The following EXD3 variants were observed in gnomAD, a reference collection of about 807,000 sequenced individuals.
EXD3 encodes the protein exonuclease 3'-5' domain containing 3.
Under a neutral mutation model 98.0 loss-of-function variants are expected in EXD3, and 92 were observed. The observed-to-expected ratio is 0.94, with a 90% CI of 0.79 to 1.12. The LOEUF (loss-of-function observed/expected upper bound fraction) is 1.12. Among genes scored for constraint, EXD3 ranks in the 50% most tolerant of loss-of-function variants. The pLI is 0.00. For missense variants in EXD3, 1,222 were observed against 1,191.6 expected (o/e 1.03, Z -0.38); for synonymous variants, 569 against 526.0 (o/e 1.08, Z -1.12).
Position 137,309,633 on chromosome 9 carries a change from C to G in EXD3, c.2252G>C (p.Ser751Thr). ...TGAGCTCCTGGGCCCCTCCTGGTGA[C>G]TGCTGAGCCACATGAGCTGCTTCAT... ...DMMKQLMWLS[S>T]HQEGPRSSGD... The change falls in exon 20 of 22, where the codon AGT (serine) becomes ACT (threonine). Residue 751 changes from serine (S) to threonine (T), a missense_variant. Transcript: ENST00000340951. 1 of 1,562,974 alleles carries G rather than the reference C, an allele frequency of 6.4e-7. No homozygotes were observed. Among genetic ancestry groups the G allele is most frequent in the Non-Finnish European group, 8.7e-7 (1 of 1,153,700 alleles).
In EXD3 at chr9:137,393,451, C is replaced by T. The variant is rs1208310119; in HGVS notation, c.55+1852G>A. 1.3e-5 allele frequency among the ~76,000 whole-genome samples: 2 copies of T among 152,174 alleles called. No homozygotes were observed. The highest frequency in any genetic ancestry group is 4.8e-5 in the African/African-American group (2 of 41,454). On this transcript the variant is annotated intron_variant, in intron 2 of 21. Coordinates refer to ENST00000340951, the MANE Select transcript of EXD3 (RefSeq NM_017820.5). The surrounding 1 kb of genome is among the most constrained non-coding windows in gnomAD (Gnocchi z 4.6). ...GGGCAGGTGTGTGGTCAGGGCCCCA[C>T]AGGACAGCCAGGGTTGTGCCTGCTG...
intron 1 of EXD3, among the ~76,000 whole-genome samples, chr9:137,398,901 A>AGACACACAGGCAACCGCGTCTCCGT (rs1837353698): frequency 6.7e-6 from 1 of 149,748 alleles, no homozygotes; most frequent in Admixed American, 6.7e-5. Context: ...CGCGTCCCCA[A>AGACACACAGGCAACCGCGTCTCCGT]GACACACAGG....
intron 3 of EXD3, among the ~76,000 whole-genome samples, chr9:137,382,225 T>C (rs1836350023): frequency 8.4e-6 from 1 of 118,362 alleles, no homozygotes; most frequent in Non-Finnish European, 1.7e-5. Context: ...GCCCACCCCA[T>C]GAAGATGAAA....
chr9:137,356,068 G>A (rs1411299828), intron 8 of EXD3, among the ~76,000 whole-genome samples, 200 bp downstream of exon 8: 2 of 152,210 alleles, frequency 1.3e-5, no homozygotes, highest in African/African-American at 4.8e-5. Flanking sequence ...CCCGTTGGCT[G>A]CTCAGTCGCA....
intron 17 of EXD3, among the ~76,000 whole-genome samples, chr9:137,342,304 C>T (rs868374146): frequency 8.8e-4 from 103 of 117,702 alleles, no homozygotes; most frequent in African/African-American, 3.3e-3. Context: ...CCAGGGGAGT[C>T]AGAGGAAACA....
In EXD3 at chr9:137,368,257, C is replaced by T. The variant is rs150565424; in HGVS notation, c.463-268G>A. Among the ~76,000 whole-genome samples, 1,074 of 152,342 alleles carry T rather than the reference C, an allele frequency of 7.0e-3. 12 individuals carry two copies. Among genetic ancestry groups the T allele is most frequent in the African/African-American group, 0.024 (1,001 of 41,578 alleles). ...GGGCAGCAGGGACTCAAGGGGGTGG[C>T]TGGCCACACAGCCTGGGTCCCAGGG... On this transcript the variant is annotated intron_variant, in intron 5 of 21. Transcript: ENST00000340951.
rs567926960 is a variant in EXD3 at position 137,346,194 on chromosome 9, G to A, written c.1998+1877C>T. On this transcript the variant is annotated intron_variant, in intron 17 of 21. Coordinates refer to ENST00000340951, the MANE Select transcript of EXD3 (RefSeq NM_017820.5). Reference sequence around the variant, plus strand: ...GCGGAGCTTGCAGTGAGCCGAGATCGCACCACTGCACTCCGGGCTGGGAGA... The same window carrying A: ...GCGGAGCTTGCAGTGAGCCGAGATCACACCACTGCACTCCGGGCTGGGAGA... Among the ~76,000 whole-genome samples, 92 of 117,194 alleles carry A rather than the reference G, an allele frequency of 7.9e-4. 1 individual carries two copies. The highest frequency in any genetic ancestry group is 2.6e-3 in the African/African-American group (77 of 29,392). 76.9% of individuals were successfully genotyped at this position (117,194 alleles called of 152,430 possible).
At chr9:137,364,716 G>A (rs1342620270) in intron 7 of EXD3, among the ~76,000 whole-genome samples, 1 of 150,558 alleles carries the variant, frequency 6.6e-6, no homozygotes, top group Non-Finnish European at 1.5e-5. Flanking sequence ...TCTTTTCTTC[G>A]CAATGAGACC....
At chr9:137,317,893 G>A (rs1831777825) in intron 19 of EXD3, among the ~76,000 whole-genome samples, 2 of 152,204 alleles carry the variant, frequency 1.3e-5, no homozygotes, top group South Asian at 4.1e-4. Context: ...GGAGCAGGGA[G>A]GAGGTCCTTC....
At chr9:137,352,490 C>T (rs956684860) in intron 11 of EXD3, 130 bp downstream of exon 11, 27 of 1,019,616 alleles carry the variant, frequency 2.6e-5, no homozygotes, top group Middle Eastern at 3.2e-4. Context: ...TGTATAGCTG[C>T]GCTCTTTGTT....
At chr9:137,377,740 G>A (rs1046400288) in intron 3 of EXD3, among the ~76,000 whole-genome samples, 1 of 151,816 alleles carries the variant, frequency 6.6e-6, no homozygotes, top group Non-Finnish European at 1.5e-5. Flanking sequence ...AGGAAGGGAG[G>A]GAGGGAGGAA....
intron 7 of EXD3, among the ~76,000 whole-genome samples, chr9:137,357,649 C>A (rs944783726): frequency 6.6e-6 from 1 of 151,502 alleles, no homozygotes; most frequent in Admixed American, 6.6e-5. Flanking sequence ...TTCCTCCAAG[C>A]TCCAGCTTAG....
chr9:137,400,977 C>T (rs1044884000), intron 1 of EXD3, among the ~76,000 whole-genome samples: 2 of 152,092 alleles, frequency 1.3e-5, no homozygotes, highest in Admixed American at 6.5e-5. Context: ...ATGGTACAGC[C>T]TCCCTCCCAG....
At chr9:137,408,270 C>T (rs113517392) in intron 1 of EXD3, among the ~76,000 whole-genome samples, 1 of 152,054 alleles carries the variant, frequency 6.6e-6, no homozygotes, top group Non-Finnish European at 1.5e-5. Flanking sequence ...GTGGGGGGGC[C>T]GGGCATGGTC....
chr9:137,355,621 G>T lies in EXD3; in HGVS notation c.757+647C>A, dbSNP rs1274766765. ...GGAAGGAGAAAGGAGGAAGGAGGAAGGGAGGATGGAGGAAGGAGGAAGGAG... is the reference window on the plus strand; with the variant it reads ...GGAAGGAGAAAGGAGGAAGGAGGAATGGAGGATGGAGGAAGGAGGAAGGAG... On this transcript the variant is annotated intron_variant, in intron 8 of 21. Coordinates refer to ENST00000340951, the MANE Select transcript of EXD3 (RefSeq NM_017820.5). Among the ~76,000 whole-genome samples, 6 of 3,852 alleles carry T rather than the reference G, an allele frequency of 1.6e-3. 1 individual carries two copies. Among genetic ancestry groups the T allele is most frequent in the Non-Finnish European group, 1.8e-3 (4 of 2,240 alleles). 2.5% of individuals were successfully genotyped at this position (3,852 alleles called of 152,430 possible). A position where few individuals can be genotyped will look rare whatever the true frequency, so the allele number is the denominator to read the frequency against.
chr9:137,368,171 C>G lies in EXD3; in HGVS notation c.463-182G>C, dbSNP rs148488299. The stretch of plus-strand genomic sequence containing the variant: ...GCCTGGCCTGGCAGACAAGCCCCCC[C>G]GTGCTGAGCCAGGCCTTGCATAGGC... On this transcript the variant is annotated intron_variant, in intron 5 of 21. Coordinates refer to ENST00000340951, the MANE Select transcript of EXD3 (RefSeq NM_017820.5). Among the ~76,000 whole-genome samples, 4 of 152,314 alleles carry G rather than the reference C, an allele frequency of 2.6e-5. No homozygotes were observed. In the East Asian group the frequency reaches 5.8e-4, roughly 22 times the overall value.
chr9:137,332,622 T>G (rs192309187), intron 17 of EXD3, among the ~76,000 whole-genome samples: 1 of 151,938 alleles, frequency 6.6e-6, no homozygotes, highest in East Asian at 1.9e-4. Context: ...GGCGGGCAGA[T>G]CACAAGGTCA....
At position 137,309,486 on chromosome 9, in the gene EXD3, G is replaced by A. The variant is rs1831246487; in HGVS notation, c.2278+121C>T. On this transcript the variant is annotated intron_variant, in intron 20 of 21. Coordinates refer to ENST00000340951, the MANE Select transcript of EXD3 (RefSeq NM_017820.5). ...TGGTTTTTCCACCTGTCGTCACCTGGCTGCCACCCTTATCTGAGGAAGCTC... is the reference window on the plus strand; with the variant it reads ...TGGTTTTTCCACCTGTCGTCACCTGACTGCCACCCTTATCTGAGGAAGCTC... 8.9e-6 allele frequency: 7 copies of A among 784,798 alleles called. No homozygotes were observed. In the East Asian group the frequency reaches 1.9e-4, roughly 21 times the overall value. 48.6% of individuals were successfully genotyped at this position (784,798 alleles called of 1,614,324 possible).
At chr9:137,323,962 C>A in intron 18 of EXD3, 106 bp from the exon 19 acceptor site, 2 of 1,527,858 alleles carry the variant, frequency 1.3e-6, no homozygotes, top group Non-Finnish European at 1.8e-6. Flanking sequence ...CTCGGCCCAC[C>A]AGGGGTACGG....
Sources: allele counts gnomAD v4.1 joint callset (sites outside exome capture counted in the v4.1 genomes callset), GRCh38; gene constraint gnomAD v4.1.1; non-coding constraint Gnocchi (gnomAD v3.1); transcripts MANE v1.5; gene names NCBI Gene and HGNC (gene_info 2026-07-23, HGNC 2026-07-21).